BRINP3: variants seen among roughly 807,000 people sequenced by gnomAD.
The protein encoded by BRINP3 is BMP/retinoic acid inducible neural specific 3, also known as BMP/retinoic acid-inducible neural-specific protein 3.
Under a neutral mutation model 71.0 loss-of-function variants are expected in BRINP3, and 19 were observed. The ratio of observed to expected loss-of-function variants is 0.27; its 90% CI spans 0.19 to 0.39. The LOEUF is 0.39. Among genes scored for constraint, BRINP3 ranks in the 10% least tolerant of loss-of-function variants. BRINP3 has a pLI of 1.00. For synonymous variants in BRINP3, 380 were observed against 337.7 expected, an observed-to-expected ratio of 1.13 and a Z score of -1.37; for missense variants, 959 against 940.8, an observed-to-expected ratio of 1.02 and a Z score of -0.25.
intron 1 of BRINP3, among the ~76,000 whole-genome samples, chr1:190,456,454 T>C (rs141821024): frequency 7.7e-4 from 117 of 152,290 alleles, no homozygotes; most frequent in African/African-American, 2.7e-3. Context: ...AATATTATAA[T>C]AGAAGAATTT....
chr1:190,418,424 T>C (rs1249947304), intron 2 of BRINP3, among the ~76,000 whole-genome samples: 1 of 152,180 alleles, frequency 6.6e-6, no homozygotes, highest in Non-Finnish European at 1.5e-5. Context: ...AAATATTTTC[T>C]ATTCTATTGT....
intron 1 of BRINP3, among the ~76,000 whole-genome samples, chr1:190,466,518 T>A (rs370448319): frequency 5.9e-5 from 9 of 151,848 alleles, no homozygotes; most frequent in Admixed American, 5.3e-4. Flanking sequence ...ACTTATCTAG[T>A]CCACAGGAAG....
intron 2 of BRINP3, among the ~76,000 whole-genome samples, chr1:190,451,868 G>C (rs1012724584): frequency 6.6e-6 from 1 of 152,120 alleles, no homozygotes; most frequent in Non-Finnish European, 1.5e-5. Flanking sequence ...TGCTGGAGAA[G>C]AGGATGAAAT....
chr1:190,247,932 CTCTATCT>C (rs887148252), intron 4 of BRINP3, among the ~76,000 whole-genome samples: 6 of 152,004 alleles, frequency 3.9e-5, no homozygotes, highest in African/African-American at 1.4e-4. Context: ...CCCCTAGACA[CTCTATCT>C]TCGACAAAGT....
At chr1:190,283,020 A>G (rs1465077361) in intron 2 of BRINP3, among the ~76,000 whole-genome samples, 2 of 152,036 alleles carry the variant, frequency 1.3e-5, no homozygotes, top group East Asian at 1.9e-4. Context: ...ACATACTTCC[A>G]GGACAAAGGG....
intron 2 of BRINP3, among the ~76,000 whole-genome samples, chr1:190,292,459 G>A (rs563383096): frequency 6.6e-6 from 1 of 152,176 alleles, no homozygotes; most frequent in East Asian, 1.9e-4. Context: ...TTCGAGAGAA[G>A]CATGGGCAAC....
chr1:190,165,443 GTTTTTT>G (rs1222291505), intron 6 of BRINP3, among the ~76,000 whole-genome samples: 1 of 46,624 alleles, frequency 2.1e-5, no homozygotes, highest in Admixed American at 2.4e-4. Context: ...TTCATTGGCT[GTTTTTT>G]TTTTTTTTTT....
chr1:190,121,079 T>C (rs1448102221), intron 7 of BRINP3, among the ~76,000 whole-genome samples: 1 of 152,092 alleles, frequency 6.6e-6, no homozygotes, highest in Non-Finnish European at 1.5e-5. Context: ...AAAATAAAAT[T>C]ATCTATGAAA....
intron 4 of BRINP3, among the ~76,000 whole-genome samples, chr1:190,240,121 A>G (rs1380625451): frequency 6.6e-6 from 1 of 151,874 alleles, no homozygotes; most frequent in African/African-American, 2.4e-5. Context: ...GTTAATATCC[A>G]TATTTCATTT....
chr1:190,252,025 T>TGG (rs1660194674), intron 4 of BRINP3, among the ~76,000 whole-genome samples: 1 of 152,168 alleles, frequency 6.6e-6, no homozygotes, highest in East Asian at 1.9e-4. Flanking sequence ...TACTAAAGAT[T>TGG]TGTCAGATAC....
At chr1:190,358,948 G>A (rs1558214845) in intron 2 of BRINP3, among the ~76,000 whole-genome samples, 1 of 152,016 alleles carries the variant, frequency 6.6e-6, no homozygotes, top group East Asian at 1.9e-4. Flanking sequence ...ATTCATAGGT[G>A]GGAATTGAAC....
chr1:190,297,789 TGTGTGTGTGTGTGTGC>T (rs1664360868), intron 2 of BRINP3, among the ~76,000 whole-genome samples: 1 of 151,530 alleles, frequency 6.6e-6, no homozygotes, highest in African/African-American at 2.4e-5. Flanking sequence ...CGTGTGTGTG[TGTGTGTGTGTGTGTGC>T]GTGTGTGTAC....
At chr1:190,152,484 A>G (rs1434409400) in intron 7 of BRINP3, among the ~76,000 whole-genome samples, 2 of 148,920 alleles carry the variant, frequency 1.3e-5, no homozygotes, top group Middle Eastern at 3.5e-3. Flanking sequence ...TATTACATAC[A>G]TGCACAAATA....
intron 6 of BRINP3, among the ~76,000 whole-genome samples, chr1:190,174,708 A>C (rs888709638): frequency 2.6e-5 from 4 of 152,154 alleles, no homozygotes; most frequent in Non-Finnish European, 5.9e-5. Context: ...GATATTCCTA[A>C]GAGTTTAATA....
chr1:190,280,684 A>T (rs1057430174), intron 3 of BRINP3, among the ~76,000 whole-genome samples: 1 of 151,848 alleles, frequency 6.6e-6, no homozygotes, highest in African/African-American at 2.4e-5. Flanking sequence ...ATCTTTGGTA[A>T]ACCCATTAAG....
At chr1:190,435,405 C>G (rs1237585503) in intron 2 of BRINP3, among the ~76,000 whole-genome samples, 1 of 151,700 alleles carries the variant, frequency 6.6e-6, no homozygotes, top group Non-Finnish European at 1.5e-5. Flanking sequence ...ATTTCCAGAA[C>G]TCATTTTTTT....
intron 2 of BRINP3, among the ~76,000 whole-genome samples, chr1:190,444,239 CAAAAAAAAAAAAA>C (rs764014934): frequency 1.8e-4 from 10 of 56,320 alleles, no homozygotes; most frequent in Non-Finnish European, 2.4e-4. Context: ...AACTCCGTCT[CAAAAAAAAAAAAA>C]AAAAAAAAAA....
intron 4 of BRINP3, among the ~76,000 whole-genome samples, chr1:190,259,798 G>A (rs918549843): frequency 1.3e-5 from 2 of 151,936 alleles, no homozygotes; most frequent in African/African-American, 2.4e-5. Context: ...AGGAGGCTGA[G>A]GCGGGTGAAA....
chr1:190,473,641 T>C (rs1317137237), intron 1 of BRINP3, among the ~76,000 whole-genome samples: 1 of 151,650 alleles, frequency 6.6e-6, no homozygotes, highest in Non-Finnish European at 1.5e-5. Flanking sequence ...CAAAGCTTAT[T>C]TGAGTATTCA....
Sources: allele counts gnomAD v4.1 joint callset (sites outside exome capture counted in the v4.1 genomes callset), GRCh38; gene constraint gnomAD v4.1.1; transcripts MANE v1.5; gene names NCBI Gene and HGNC (gene_info 2026-07-23, HGNC 2026-07-21).